The following CALN1 variants were observed in gnomAD, a reference collection of about 807,000 sequenced individuals.
CALN1 encodes calcium-binding protein 8.
In CALN1, 17 loss-of-function variants were observed where a neutral mutation model predicts 30.6. The observed-to-expected ratio is 0.56, with a 90% CI of 0.38 to 0.83. The LOEUF is 0.83. CALN1 is among the 40% of genes least tolerant of loss of function. The pLI, the probability that CALN1 is intolerant of heterozygous loss-of-function variation, is 0.00. For synonymous variants in CALN1, 156 were observed against 131.4 expected (o/e 1.19, Z -1.28); for missense variants, 291 against 354.9 (o/e 0.82, Z 1.45).
chr7:72,195,894 T>C (rs1176128803), intron 3 of CALN1, among the ~76,000 whole-genome samples: 2 of 152,152 alleles, frequency 1.3e-5, no homozygotes, highest in Admixed American at 6.5e-5. Flanking sequence ...TGGAATATGA[T>C]TCAGCCATAA....
intron 5 of CALN1, among the ~76,000 whole-genome samples, chr7:71,860,031 A>G (rs915238891): frequency 1.3e-5 from 2 of 152,166 alleles, no homozygotes; most frequent in Non-Finnish European, 2.9e-5. Flanking sequence ...TCTTGCAAAT[A>G]TAGTAATTAA....
chr7:72,036,762 T>C (rs1173931860), intron 4 of CALN1, among the ~76,000 whole-genome samples: 4 of 152,184 alleles, frequency 2.6e-5, no homozygotes, highest in Non-Finnish European at 5.9e-5. Flanking sequence ...ATTCTTTGTG[T>C]ATTCGATCTG....
chr7:72,021,336 A>T (rs1347199757), intron 5 of CALN1, among the ~76,000 whole-genome samples: 1 of 152,050 alleles, frequency 6.6e-6, no homozygotes, highest in Non-Finnish European at 1.5e-5. Flanking sequence ...TGAGAGAAAG[A>T]AGAAGGAGAA....
At chr7:71,989,241 G>C (rs113359685) in intron 5 of CALN1, among the ~76,000 whole-genome samples, 5,383 of 152,072 alleles carry the variant, frequency 0.035, 319 homozygotes, top group African/African-American at 0.12. Context: ...AGTTCGAGAG[G>C]AGCCTGGCCA....
chr7:72,063,722 A>C (rs1039921606), intron 4 of CALN1, among the ~76,000 whole-genome samples: 7 of 152,206 alleles, frequency 4.6e-5, no homozygotes, highest in Non-Finnish European at 1.5e-5. Flanking sequence ...AATGCTAAAC[A>C]ATCTGAAACA....
At chr7:71,874,179 A>G (rs957004760) in intron 5 of CALN1, among the ~76,000 whole-genome samples, 2 of 150,386 alleles carry the variant, frequency 1.3e-5, no homozygotes, top group African/African-American at 4.9e-5. Flanking sequence ...GAAGGCTGAG[A>G]TATGAGAATC....
rs1796831149 is a variant in CALN1, at chr7:72,269,490, A to G, written c.244+9196T>C. ...TTTAAATAAGACTTAACCAGGAAGC[A>G]GCTGCTATGAGGTTGAGAACAGAAA... is the stretch of plus-strand genomic sequence containing the variant. On this transcript the variant is annotated intron_variant, in intron 3 of 6. Coordinates refer to ENST00000395275, the MANE Select transcript of CALN1 (RefSeq NM_031468.4). 5.3e-5 allele frequency among the ~76,000 whole-genome samples: 8 copies of G among 152,160 alleles called. No individual in the cohort carries two copies. The South Asian group carries it at 1.7e-3, about 32-fold the overall frequency.
intron 3 of CALN1, among the ~76,000 whole-genome samples, chr7:72,276,652 C>T (rs1585334937): frequency 6.6e-6 from 1 of 151,136 alleles, no homozygotes; most frequent in Non-Finnish European, 1.5e-5. Context: ...TTATCCAGAG[C>T]GTGGACTATT....
At chr7:71,963,459 C>G (rs1797359974) in intron 5 of CALN1, among the ~76,000 whole-genome samples, 1 of 152,100 alleles carries the variant, frequency 6.6e-6, no homozygotes, top group Non-Finnish European at 1.5e-5. Flanking sequence ...CTGTGCCCAG[C>G]CCACACAGCT....
At chr7:71,992,332 A>G (rs570579003) in intron 5 of CALN1, among the ~76,000 whole-genome samples, 4 of 152,170 alleles carry the variant, frequency 2.6e-5, no homozygotes, top group Non-Finnish European at 5.9e-5. Flanking sequence ...TTTACTGCCT[A>G]TATAAGCAAG....
the CALN1 span, among the ~76,000 whole-genome samples, chr7:72,501,948 T>TATATATATATAC: frequency 1.3e-3 from 91 of 72,346 alleles, 1 homozygote; most frequent in African/African-American, 6.0e-3. Flanking sequence ...TATATATATA[T>TATATATATATAC]ACACACATAT....
intron 4 of CALN1, among the ~76,000 whole-genome samples, chr7:72,070,119 T>C (rs1366101785): frequency 6.6e-6 from 1 of 152,144 alleles, no homozygotes; most frequent in East Asian, 1.9e-4. Flanking sequence ...TTAGGAAAAA[T>C]CCTTGTCACT....
chr7:71,920,460 C>T (rs1011650645), intron 5 of CALN1, among the ~76,000 whole-genome samples: 2 of 151,306 alleles, frequency 1.3e-5, no homozygotes, highest in East Asian at 2.0e-4. Context: ...CTCAGCTTCC[C>T]GAGTAGCTGA....
At chr7:72,450,984 A>G (rs992540756), upstream of CALN1, among the ~76,000 whole-genome samples, 9 of 152,030 alleles carry the variant, frequency 5.9e-5, no homozygotes, top group Admixed American at 1.3e-4. Context: ...AGTTGCCACC[A>G]TGACGGCCTT....
chr7:71,827,993 G>A (rs1481751260), intron 5 of CALN1, among the ~76,000 whole-genome samples: 1 of 152,020 alleles, frequency 6.6e-6, no homozygotes, highest in African/African-American at 2.4e-5. Flanking sequence ...ATGAGGGCAT[G>A]TGTTTCCACA....
chr7:71,891,130 T>C (rs755990593), intron 5 of CALN1, among the ~76,000 whole-genome samples: 1 of 152,188 alleles, frequency 6.6e-6, no homozygotes, highest in East Asian at 1.9e-4. Context: ...ACAATTTTCA[T>C]GGCTGTATAA....
chr7:72,041,754 G>T (rs1417700957), intron 4 of CALN1, among the ~76,000 whole-genome samples: 3 of 152,126 alleles, frequency 2.0e-5, no homozygotes, highest in Non-Finnish European at 4.4e-5. Context: ...GGAGGTAATT[G>T]GATCATGGGG....
intron 6 of CALN1, among the ~76,000 whole-genome samples, chr7:71,793,723 A>C (rs1166654369): frequency 6.6e-6 from 1 of 152,112 alleles, no homozygotes; most frequent in Non-Finnish European, 1.5e-5. Flanking sequence ...AATACACAGA[A>C]AAATTAACTG....
At chr7:72,251,641 T>A (rs978938656) in intron 3 of CALN1, among the ~76,000 whole-genome samples, 1 of 152,136 alleles carries the variant, frequency 6.6e-6, no homozygotes, top group Non-Finnish European at 1.5e-5. Context: ...GCTCAAGTAA[T>A]CCTCCTACCT....
Sources: allele counts gnomAD v4.1 joint callset (sites outside exome capture counted in the v4.1 genomes callset), GRCh38; gene constraint gnomAD v4.1.1; transcripts MANE v1.5; gene names NCBI Gene and HGNC (gene_info 2026-07-23, HGNC 2026-07-21).